The following ROCK2 variants were observed in gnomAD, a reference collection of about 807,000 sequenced individuals.
ROCK2 encodes Rho associated coiled-coil containing protein kinase 2, also known as rho-associated protein kinase 2.
ROCK2 carries 61 observed loss-of-function variants against 195.1 expected under a neutral mutation model. The ratio of observed to expected loss-of-function variants is 0.31; its 90% CI spans 0.25 to 0.39. The LOEUF (loss-of-function observed/expected upper bound fraction) is 0.39, where lower values mean the gene tolerates loss of function less well. Among genes scored for constraint, ROCK2 ranks in the 10% least tolerant of loss-of-function variants. The probability of loss-of-function intolerance (pLI) is 1.00; values close to 1 mark genes in which losing one functional copy is unlikely to be tolerated. For missense variants in ROCK2, 1,109 were observed against 1,637.4 expected (o/e 0.68, Z 5.57); for synonymous variants, 504 against 545.5 (o/e 0.92, Z 1.06).
chr2:11,317,612 A>ATTTTT (rs1553317464), intron 1 of ROCK2, among the ~76,000 whole-genome samples: 7 of 19,312 alleles, frequency 3.6e-4, no homozygotes, highest in African/African-American at 8.0e-4. Flanking sequence ...ATATATATAT[A>ATTTTT]TTTTTTTTTT....
At position 11,235,971 on chromosome 2, in the gene ROCK2, CAAAAGG is replaced by C. The variant is rs1354769561; in HGVS notation, c.463-15_463-10del. 2.8e-6 allele frequency: 4 copies of C among 1,405,026 alleles called. No individual in the cohort carries two copies. Among genetic ancestry groups the C allele is most frequent in the East Asian group, 5.1e-5 (2 of 39,344 alleles). The allele number at this position is 1,405,026 out of a possible 1,614,324, so 87.0% of individuals were successfully genotyped here. A position where few individuals can be genotyped will look rare whatever the true frequency, so the allele number is the denominator to read the frequency against. ...TGAAAGGCATAAAAAAGCTGGAAAA[CAAAAGG>C]AAAAGGAAAAATTTTTAAAAACCCA... On this transcript the variant is annotated splice_polypyrimidine_tract_variant and intron_variant, in intron 4 of 32. Transcript: ENST00000315872. The surrounding 1 kb of genome is among the most constrained non-coding windows in gnomAD (Gnocchi z 4.2).
intron 1 of ROCK2, among the ~76,000 whole-genome samples, chr2:11,297,049 T>C (rs1183291389): frequency 6.6e-6 from 1 of 152,092 alleles, no homozygotes; most frequent in Non-Finnish European, 1.5e-5. Flanking sequence ...TTATTTATAA[T>C]AGCAAGAAAC....
At chr2:11,310,453 T>C (rs900528901) in intron 1 of ROCK2, among the ~76,000 whole-genome samples, 3 of 152,222 alleles carry the variant, frequency 2.0e-5, no homozygotes, top group Non-Finnish European at 4.4e-5. Flanking sequence ...TTGTGACATA[T>C]ACTGCAATAC....
rs1288406845 is a variant in ROCK2 at position 11,308,522 on chromosome 2, T to C, written c.142-20786A>G. On this transcript the variant is annotated intron_variant, in intron 1 of 32. Transcript: ENST00000315872. ...GTTGCCACTGGAACCAGGAATGACA[T>C]TACTCACTATCAGAATTGAGAAAAC... 3 of 1,550,376 alleles carry C rather than the reference T, an allele frequency of 1.9e-6. No homozygotes were observed. The African/African-American group carries it at 4.1e-5, about 21-fold the overall frequency.
intron 3 of ROCK2, among the ~76,000 whole-genome samples, chr2:11,285,224 T>G (rs1667145423): frequency 6.7e-6 from 1 of 148,658 alleles, no homozygotes. Flanking sequence ...ATCGCGCCAT[T>G]GCACTCCAGC....
chr2:11,345,039 CGCGGCCCCCGCT>C (rs1443815760), upstream of ROCK2, among the ~76,000 whole-genome samples: 2 of 151,748 alleles, frequency 1.3e-5, no homozygotes, highest in East Asian at 1.9e-4. Flanking sequence ...CGCCCCCCGC[CGCGGCCCCCGCT>C]GACTCAGCGC....
chr2:11,327,654 C>A (rs1668590530), intron 1 of ROCK2, among the ~76,000 whole-genome samples: 2 of 152,110 alleles, frequency 1.3e-5, no homozygotes, highest in Admixed American at 6.5e-5. Context: ...TCTCCACCTC[C>A]CCAGCTCAAG....
At chr2:11,287,111 G>A (rs1208400373) in intron 2 of ROCK2, among the ~76,000 whole-genome samples, 1 of 152,114 alleles carries the variant, frequency 6.6e-6, no homozygotes, top group African/African-American at 2.4e-5. Flanking sequence ...CTCAGTCTCT[G>A]CCAATTTCAA....
intron 3 of ROCK2, among the ~76,000 whole-genome samples, chr2:11,254,126 T>C (rs1357729575): frequency 6.6e-6 from 1 of 152,200 alleles, no homozygotes; most frequent in African/African-American, 2.4e-5. Context: ...CTCAGAATCA[T>C]GCACTTCTGG....
intron 6 of ROCK2, among the ~76,000 whole-genome samples, chr2:11,226,991 A>G (rs894465350): frequency 4.0e-5 from 6 of 151,594 alleles, no homozygotes; most frequent in South Asian, 2.1e-4. Flanking sequence ...TCTTGTTCTA[A>G]TATTTTAATT....
At chr2:11,213,966 G>GC (rs1664336746) in intron 17 of ROCK2, among the ~76,000 whole-genome samples, 1 of 152,178 alleles carries the variant, frequency 6.6e-6, no homozygotes, top group African/African-American at 2.4e-5. Context: ...AATGCTAACT[G>GC]CATAGACTCT....
intron 1 of ROCK2, among the ~76,000 whole-genome samples, chr2:11,317,612 A>ATATATATTTTTTT (rs59701503): frequency 1.6e-4 from 3 of 19,318 alleles, no homozygotes; most frequent in Non-Finnish European, 3.1e-4. Flanking sequence ...ATATATATAT[A>ATATATATTTTTTT]TTTTTTTTTT....
At chr2:11,323,553 C>A (rs1475308127) in intron 1 of ROCK2, among the ~76,000 whole-genome samples, 6 of 152,090 alleles carry the variant, frequency 3.9e-5, no homozygotes, top group Admixed American at 1.3e-4. Context: ...ATTATGTTTG[C>A]AAAAAGTACG....
At chr2:11,265,004 G>A (rs1248845162) in intron 3 of ROCK2, among the ~76,000 whole-genome samples, 1 of 152,158 alleles carries the variant, frequency 6.6e-6, no homozygotes, top group Non-Finnish European at 1.5e-5. Flanking sequence ...CAACCACTTA[G>A]CAGCTATGTG....
intron 3 of ROCK2, among the ~76,000 whole-genome samples, chr2:11,260,689 A>G (rs756060413): frequency 1.1e-4 from 17 of 152,240 alleles, no homozygotes; most frequent in Non-Finnish European, 2.5e-4. Context: ...AAAGATATCA[A>G]CAGAAGCTAA....
At chr2:11,214,746 GA>G in intron 16 of ROCK2, 93 bp downstream of exon 16, 1 of 1,162,692 alleles carries the variant, frequency 8.6e-7, no homozygotes, top group Non-Finnish European at 1.2e-6. Flanking sequence ...AGTATATTCA[GA>G]AATGTCCAAT....
intron 3 of ROCK2, among the ~76,000 whole-genome samples, chr2:11,263,858 T>C (rs1269504004): frequency 1.3e-5 from 2 of 150,170 alleles, no homozygotes; most frequent in East Asian, 2.0e-4. Context: ...ACAGCAGAGA[T>C]AGTACATAAA....
At chr2:11,312,659 T>A (rs905392582) in intron 1 of ROCK2, among the ~76,000 whole-genome samples, 3 of 152,148 alleles carry the variant, frequency 2.0e-5, no homozygotes, top group Non-Finnish European at 4.4e-5. Context: ...TCAACTTATG[T>A]TGGGGTTTTG....
intron 3 of ROCK2, among the ~76,000 whole-genome samples, chr2:11,253,757 A>G (rs1392811649): frequency 1.3e-5 from 2 of 152,264 alleles, no homozygotes; most frequent in Non-Finnish European, 2.9e-5. Flanking sequence ...AAGTGGCCAC[A>G]CCATCAATTT....
Sources: gnomAD v4.1 joint callset for allele counts (sites outside exome capture counted in the v4.1 genomes callset) on GRCh38, gnomAD v4.1.1 for gene constraint, Gnocchi (gnomAD v3.1) non-coding constraint, MANE v1.5 for transcripts, NCBI Gene and HGNC (gene_info 2026-07-23, HGNC 2026-07-21) for gene names.